Variants in ST3GAL6 observed in about 807,000 individuals in gnomAD.
ST3GAL6 encodes type 2 lactosamine alpha-2,3-sialyltransferase.
In ST3GAL6, 31 loss-of-function variants were observed where a neutral mutation model predicts 40.5. That is an observed-to-expected ratio of 0.77 (90% CI 0.58 to 1.03). ST3GAL6 has a LOEUF of 1.03. Among genes scored for constraint, ST3GAL6 ranks in the 50% least tolerant of loss-of-function variants. The pLI, the probability that ST3GAL6 is intolerant of heterozygous loss-of-function variation, is 0.00. For synonymous variants in ST3GAL6, 129 were observed against 136.9 expected, an observed-to-expected ratio of 0.94 and a Z score of 0.40; for missense variants, 357 against 393.2, an observed-to-expected ratio of 0.91 and a Z score of 0.78.
intron 5 of ST3GAL6, chr3:98,782,867 G>A (rs1940279560): frequency 8.5e-6 from 4 of 469,152 alleles, no homozygotes; most frequent in Non-Finnish European, 1.7e-5. Flanking sequence ...GGAAATCCTG[G>A]AGTCTGAGAT....
chr3:98,770,788 T>G, intron 2 of ST3GAL6, 91 bp from the exon 3 acceptor site: 1 of 1,068,352 alleles, frequency 9.4e-7, no homozygotes, highest in Non-Finnish European at 1.5e-6. Flanking sequence ...AACCTCTCAG[T>G]GGTGGCATGA....
chr3:98,790,483 G>T (rs562702005), intron 8 of ST3GAL6, among the ~76,000 whole-genome samples: 2 of 152,256 alleles, frequency 1.3e-5, no homozygotes, highest in African/African-American at 4.8e-5. Context: ...TTAGGAAGAA[G>T]ACTAGGGCTG....
At chr3:98,783,461 C>G in intron 5 of ST3GAL6, 11 of 695,606 alleles carry the variant, frequency 1.6e-5, no homozygotes, top group Non-Finnish European at 1.8e-5. Context: ...TGTGTACCTT[C>G]CTCCCCTCAG....
At chr3:98,778,959 T>C (rs1939810691) in intron 5 of ST3GAL6, among the ~76,000 whole-genome samples, 1 of 152,236 alleles carries the variant, frequency 6.6e-6, no homozygotes, top group Non-Finnish European at 1.5e-5. Flanking sequence ...CTGTACAGAC[T>C]GTGGATTGCA....
intron 5 of ST3GAL6, 101 bp downstream of exon 5, chr3:98,774,084 T>C: frequency 9.9e-7 from 1 of 1,015,038 alleles, no homozygotes; most frequent in Non-Finnish European, 1.5e-6. Flanking sequence ...TCAGGAAAAT[T>C]TCATAGCGTT....
In ST3GAL6 at chr3:98,791,988, A is replaced by G; in HGVS notation, c.904A>G (p.Asn302Asp). The change falls in exon 9 of 10, where the codon AAT becomes GAT. Residue 302 changes from asparagine (N) to aspartate (D), a missense_variant. Transcript: ENST00000483910. ...YYGNATMSLM[N>D]KNAYHNVTAE... is the part of the protein sequence containing the mutation. ...TGGGAATGCCACCATGTCTTTGATG[A>G]ATAAGGTAATATACTGTACTTTAGG... The G allele has an allele frequency of 6.2e-7, 1 of 1,613,058 alleles. No individual in the cohort carries two copies. Among genetic ancestry groups the G allele is most frequent in the East Asian group, 2.2e-5 (1 of 44,848 alleles).
chr3:98,782,231 G>C (rs1559749893), intron 5 of ST3GAL6: 2 of 703,164 alleles, frequency 2.8e-6, no homozygotes, highest in Non-Finnish European at 5.2e-6. Flanking sequence ...GGACCATGAG[G>C]CTTCCGCCTG....
At chr3:98,738,751 A>G (rs1467612989) in intron 1 of ST3GAL6, among the ~76,000 whole-genome samples, 1 of 152,214 alleles carries the variant, frequency 6.6e-6, no homozygotes, top group Non-Finnish European at 1.5e-5. Flanking sequence ...TTTCCACACA[A>G]TAACAGTGGG....
intron 8 of ST3GAL6, among the ~76,000 whole-genome samples, chr3:98,791,563 C>T (rs1941209553): frequency 6.6e-6 from 1 of 152,188 alleles, no homozygotes. Context: ...TTAAGCCTCA[C>T]AGTATTCTTT....
chr3:98,772,730 T>A lies in ST3GAL6; in HGVS notation c.168-83T>A, dbSNP rs1427776458. On this transcript the variant is annotated intron_variant, in intron 3 of 9. Coordinates refer to ENST00000483910, the MANE Select transcript of ST3GAL6 (RefSeq NM_001323368.2). ...CAGTATAATGATATGGATTATATGC[T>A]GTAGTTACTTTTAGTTTTGATTTTA... 3.5e-6 allele frequency: 3 copies of A among 865,090 alleles called. No individual in the cohort carries two copies. The Admixed American group carries it at 5.4e-5, about 15-fold the overall frequency. The allele number at this position is 865,090 out of a possible 1,614,324, so 53.6% of individuals were successfully genotyped here. A position where few individuals can be genotyped will look rare whatever the true frequency, so the allele number is the denominator to read the frequency against.
intron 1 of ST3GAL6, among the ~76,000 whole-genome samples, chr3:98,742,749 AG>A (rs1936204776): frequency 6.8e-6 from 1 of 146,660 alleles, no homozygotes; most frequent in Non-Finnish European, 1.5e-5. Flanking sequence ...CCCAGGCAAG[AG>A]TGCAGTGGCG....
chr3:98,793,749 G>C lies in ST3GAL6; in HGVS notation c.984G>C (p.Leu328Phe). 1.3e-6 allele frequency: 2 copies of C among 1,598,446 alleles called. No homozygotes were observed. The highest frequency in any genetic ancestry group is 4.5e-5 in the East Asian group (2 of 44,366). ...TAGAAAAAAACCTCGTAATCAACTT[G>C]ACTCAAGATTGACTCTACAGACTCA... is the stretch of plus-strand genomic sequence containing the variant. ...DIIEKNLVIN[L>F]TQD Residue 328 changes from leucine (L) to phenylalanine (F), a missense_variant, in exon 10 of 10, where the codon TTG (leucine) becomes TTC (phenylalanine). Leu to Phe is a conservative substitution (Grantham distance 22, BLOSUM62 0). Coordinates refer to ENST00000483910, the MANE Select transcript of ST3GAL6 (RefSeq NM_001323368.2).
chr3:98,792,071 C>T, intron 9 of ST3GAL6, 78 bp downstream of exon 9: 1 of 1,361,608 alleles, frequency 7.3e-7, no homozygotes, highest in East Asian at 2.6e-5. Context: ...ATTTTCTCTT[C>T]TCACACTCAT....
chr3:98,775,627 T>A lies in ST3GAL6; in HGVS notation c.335+1644T>A, dbSNP rs568290453. 9.8e-5 allele frequency among the ~76,000 whole-genome samples: 15 copies of A among 152,364 alleles called. No individual in the cohort carries two copies. The South Asian group carries it at 3.1e-3, about 32-fold the overall frequency. On this transcript the variant is annotated intron_variant, in intron 5 of 9. Coordinates refer to ENST00000483910, the MANE Select transcript of ST3GAL6 (RefSeq NM_001323368.2). ...TCTTGACTAATTTTTATCTAAGAAC[T>A]AGACTGTGCTTTATTTAGTTGCTTT...
At chr3:98,737,326 C>T (rs1216220340) in intron 1 of ST3GAL6, among the ~76,000 whole-genome samples, 1 of 152,232 alleles carries the variant, frequency 6.6e-6, no homozygotes, top group African/African-American at 2.4e-5. Context: ...GTTGGGATTA[C>T]AGGCGTGAGC....
chr3:98,734,546 T>G (rs1935359630), intron 1 of ST3GAL6, among the ~76,000 whole-genome samples: 1 of 152,206 alleles, frequency 6.6e-6, no homozygotes. Context: ...TTGAATTGTA[T>G]TTTTACTATA....
chr3:98,774,680 G>C (rs1214106862), intron 5 of ST3GAL6, among the ~76,000 whole-genome samples: 2 of 152,144 alleles, frequency 1.3e-5, no homozygotes, highest in African/African-American at 2.4e-5. Context: ...CCATTAAAAA[G>C]GAAAATGGCA....
chr3:98,763,284 G>A, upstream of ST3GAL6: 6 of 1,281,154 alleles, frequency 4.7e-6, no homozygotes, highest in Non-Finnish European at 6.1e-6. Context: ...CAAAGAGGAA[G>A]GAAGGCAGGA....
chr3:98,746,187 G>A (rs1174690250), intron 1 of ST3GAL6, among the ~76,000 whole-genome samples: 1 of 152,138 alleles, frequency 6.6e-6, no homozygotes, highest in East Asian at 1.9e-4. Context: ...CTAGTGATAT[G>A]AATTTCAGTT....
Sources: gnomAD v4.1 joint callset for allele counts (sites outside exome capture counted in the v4.1 genomes callset) on GRCh38, gnomAD v4.1.1 for gene constraint, MANE v1.5 for transcripts, NCBI Gene and HGNC (gene_info 2026-07-23, HGNC 2026-07-21) for gene names.